SLC30A10: variants seen among roughly 807,000 people sequenced by gnomAD.
SLC30A10 encodes calcium/manganese antiporter SLC30A10.
Under a neutral mutation model 21.7 loss-of-function variants are expected in SLC30A10, and 8 were observed. The observed-to-expected ratio is 0.37, with a 90% CI of 0.22 to 0.67. The LOEUF is 0.67. Among genes scored for constraint, SLC30A10 ranks in the 30% least tolerant of loss-of-function variants. The pLI is 0.58. For missense variants in SLC30A10, 521 were observed against 642.5 expected, an observed-to-expected ratio of 0.81 and a Z score of 2.04; for synonymous variants, 272 against 279.4, an observed-to-expected ratio of 0.97 and a Z score of 0.26.
chr1:219,948,144 C>T (rs1660215305), intron 1 of SLC30A10, among the ~76,000 whole-genome samples: 1 of 151,346 alleles, frequency 6.6e-6, no homozygotes, highest in Admixed American at 6.6e-5. Context: ...ATTCCATGCT[C>T]ATGGGTAGGA....
intron 1 of SLC30A10, among the ~76,000 whole-genome samples, chr1:219,944,438 A>G (rs1259997259): frequency 4.0e-5 from 6 of 151,778 alleles, no homozygotes; most frequent in Non-Finnish European, 8.8e-5. Context: ...ACAGAGCAAG[A>G]CTCTGTCTCA....
At chr1:219,948,688 G>A (rs1660224341) in intron 1 of SLC30A10, among the ~76,000 whole-genome samples, 1 of 152,142 alleles carries the variant, frequency 6.6e-6, no homozygotes, top group African/African-American at 2.4e-5. Context: ...TTACCATTAA[G>A]GACATAGGCA....
In SLC30A10 at chr1:219,913,595, C is replaced by T. The variant is rs1659464149; in HGVS notation, c.*1854G>A. 6.6e-6 allele frequency: 1 copy of T among 152,140 alleles called. No homozygotes were observed. The highest frequency in any genetic ancestry group is 1.5e-5 in the Non-Finnish European group (1 of 68,018). 9.4% of individuals were successfully genotyped at this position (152,140 alleles called of 1,614,324 possible). ...CCATGCCAAGTTTCTTAAGAGGATG[C>T]ACTGTTTTGTGTGAGTACATGCCAC... On this transcript the variant is annotated 3_prime_UTR_variant, in exon 4 of 4. Coordinates refer to ENST00000366926, the MANE Select transcript of SLC30A10 (RefSeq NM_018713.3).
chr1:219,939,171 G>A (rs1411639195), intron 1 of SLC30A10, among the ~76,000 whole-genome samples: 1 of 152,194 alleles, frequency 6.6e-6, no homozygotes, highest in Non-Finnish European at 1.5e-5. Context: ...AAAGGGGGAT[G>A]AATTAGATGA....
intron 1 of SLC30A10, among the ~76,000 whole-genome samples, chr1:219,958,348 G>C (rs562017195): frequency 6.6e-6 from 1 of 151,998 alleles, no homozygotes; most frequent in Non-Finnish European, 1.5e-5. Context: ...GTAAAAATTC[G>C]AGAAGTCCTC....
At chr1:219,927,638 T>TAAAAAAAAAAAAAAAAA (rs77015523) in intron 1 of SLC30A10, among the ~76,000 whole-genome samples, 163 bp downstream of exon 1, 1 of 53,402 alleles carries the variant, frequency 1.9e-5, no homozygotes. Flanking sequence ...ATGGATTTAT[T>TAAAAAAAAAAAAAAAAA]AAAAAAAAAA....
upstream of SLC30A10, among the ~76,000 whole-genome samples, chr1:219,932,705 C>CTTTT (rs58052957): frequency 2.5e-4 from 16 of 64,910 alleles, no homozygotes; most frequent in Non-Finnish European, 4.6e-4. Flanking sequence ...AGTAACCATT[C>CTTTT]TTTTTTTTTT....
chr1:219,915,530 C>T lies in SLC30A10; in HGVS notation c.1377G>A (p.Leu459=). ...DAREVAIEVS[L]DSCLSDHGQS... is the part of the protein sequence containing the mutation. The stretch of plus-strand genomic sequence containing the variant: ...GTCCGTGGTCACTCAGACAGCTATC[C>T]AAAGACACTTCAATAGCCACTTCTC... Residue 459 remains leucine, a synonymous_variant, in exon 4 of 4, where the codon TTG becomes TTA. Transcript: ENST00000366926. The T allele has an allele frequency of 6.2e-7, 1 of 1,614,230 alleles. No individual in the cohort carries two copies. The highest frequency in any genetic ancestry group is 1.3e-5 in the African/African-American group (1 of 75,072).
At chr1:219,925,083 C>A (rs1037773821) in intron 2 of SLC30A10, among the ~76,000 whole-genome samples, 2 of 152,208 alleles carry the variant, frequency 1.3e-5, no homozygotes, top group Admixed American at 1.3e-4. Context: ...CTACTACTGA[C>A]ATTTTTCTAC....
rs2231735 is a variant in SLC30A10 at position 219,915,991 on chromosome 1, A to C, written c.959-43T>G. ...AAACAAAAGCCAAGGTGAGCGCTGC[A>C]TTTGAAACATGGAACTACAGGAGGG... On this transcript the variant is annotated intron_variant, in intron 3 of 3. Transcript: ENST00000366926. 2.5e-3 allele frequency: 3,895 copies of C among 1,580,384 alleles called. 77 individuals carry two copies. In the African/African-American group the frequency reaches 0.045, roughly 18 times the overall value.
intron 1 of SLC30A10, among the ~76,000 whole-genome samples, chr1:219,947,923 C>T (rs1206579703): frequency 6.6e-6 from 1 of 151,754 alleles, no homozygotes; most frequent in Non-Finnish European, 1.5e-5. Context: ...TTTCAGGATA[C>T]AAAATCAATG....
Position 219,910,768 on chromosome 1 carries a change from G to T in SLC30A10, c.*4681C>A, listed in dbSNP as rs1212224565. On this transcript the variant is annotated 3_prime_UTR_variant, in exon 4 of 4. Transcript: ENST00000366926. ...CAGAGTAGGTGCAGTGTCTGGCATG[G>T]CTTTGTACTAAGAGGTGACAGTTGA... Among the ~76,000 whole-genome samples, 2 of 152,142 alleles carry T rather than the reference G, an allele frequency of 1.3e-5. No individual in the cohort carries two copies. The highest frequency in any genetic ancestry group is 2.9e-5 in the Non-Finnish European group (2 of 68,034).
upstream of SLC30A10, among the ~76,000 whole-genome samples, chr1:219,932,976 G>A (rs558336827): frequency 2.6e-5 from 4 of 151,260 alleles, no homozygotes; most frequent in East Asian, 2.0e-4. Flanking sequence ...CAGGAGAATC[G>A]CTTGCACCTG....
intron 1 of SLC30A10, 152 bp from the exon 2 acceptor site, chr1:219,927,257 T>C (rs1310374293): frequency 2.7e-6 from 2 of 743,314 alleles, no homozygotes; most frequent in African/African-American, 3.6e-5. Flanking sequence ...CAGTACATTT[T>C]GGCCTTGAAA....
intron 2 of SLC30A10, among the ~76,000 whole-genome samples, chr1:219,922,610 A>C (rs1659723982): frequency 6.6e-6 from 1 of 152,254 alleles, no homozygotes; most frequent in South Asian, 2.1e-4. Context: ...AGACCTTATG[A>C]GAGTCAACCT....
rs1284649497 is a variant in SLC30A10 at position 219,915,452 on chromosome 1, A to T, written c.1455T>A (p.Phe485Leu). ...GTCTGATTATGTGAGTACCAGATTA[A>T]AAATGCGTTCTGTTGACATAACATT... The part of the protein sequence containing the change: ...EDQCYVNRTH[F>L] Residue 485 changes from phenylalanine to leucine, a missense_variant, in exon 4 of 4, where the codon TTT (phenylalanine) becomes TTA (leucine). Physicochemically the swap from Phe to Leu is conservative, Grantham distance 22. Transcript: ENST00000366926. The T allele has an allele frequency of 3.7e-6, 6 of 1,612,904 alleles. No individual in the cohort carries two copies. Among genetic ancestry groups the T allele is most frequent in the Non-Finnish European group, 5.1e-6 (6 of 1,179,390 alleles).
rs1203006595 is a variant in SLC30A10, at chr1:219,927,274, T to A, written c.641-169A>T. 5 of 654,022 alleles carry A rather than the reference T, an allele frequency of 7.6e-6. No individual in the cohort carries two copies. The East Asian group carries it at 1.4e-4, about 19-fold the overall frequency. 40.5% of individuals were successfully genotyped at this position (654,022 alleles called of 1,614,324 possible). A position where few individuals can be genotyped will look rare whatever the true frequency, so the allele number is the denominator to read the frequency against. ...GTACATTTTGGCCTTGAAATAGCCT[T>A]GTGATCCACCTTTGGACTTCATTCA... On this transcript the variant is annotated intron_variant, in intron 1 of 3. Transcript: ENST00000366926.
chr1:219,944,225 A>G (rs10082043), intron 1 of SLC30A10, among the ~76,000 whole-genome samples: 2,767 of 151,960 alleles, frequency 0.018, 85 homozygotes, highest in African/African-American at 0.061. Flanking sequence ...AGGCGGGCAG[A>G]TCACGAGGTC....
At chr1:219,929,373 C>T (rs1259337102), upstream of SLC30A10, among the ~76,000 whole-genome samples, 1 of 152,152 alleles carries the variant, frequency 6.6e-6, no homozygotes, top group Non-Finnish European at 1.5e-5. Flanking sequence ...GTCCCTTGGC[C>T]GCCAAAGAAA....
Sources: allele counts gnomAD v4.1 joint callset (sites outside exome capture counted in the v4.1 genomes callset), GRCh38; gene constraint gnomAD v4.1.1; transcripts MANE v1.5; gene names NCBI Gene and HGNC (gene_info 2026-07-23, HGNC 2026-07-21).